The following LRPAP1 variants were observed in gnomAD, a reference collection of about 807,000 sequenced individuals.
LRPAP1 encodes alpha-2-macroglobulin receptor-associated protein.
Under a neutral mutation model 39.9 loss-of-function variants are expected in LRPAP1, and 41 were observed. The ratio of observed to expected loss-of-function variants is 1.03; its 90% confidence interval spans 0.80 to 1.33. The LOEUF is 1.33. Among genes scored for constraint, LRPAP1 ranks in the 40% most tolerant of loss-of-function variants. LRPAP1 has a pLI of 0.00. For missense variants in LRPAP1, 565 were observed against 482.3 expected, an observed-to-expected ratio of 1.17 and a Z score of -1.61; for synonymous variants, 263 against 212.7, an observed-to-expected ratio of 1.24 and a Z score of -2.06.
Position 3,532,252 on chromosome 4 carries a change from A to G in LRPAP1, c.161T>C (p.Phe54Ser). 2 of 1,552,344 alleles carry G rather than the reference A, an allele frequency of 1.3e-6. No individual in the cohort carries two copies. Among genetic ancestry groups the G allele is most frequent in the East Asian group, 2.4e-5 (1 of 41,136 alleles). ...PSPKRESGEE[F>S]RMEKLNQLWE... ...CAGCTGGTTCAACTTCTCCATGCGG[A>G]ACTCCTCTCCGGACTCGCGTTTCGG... Residue 54 changes from phenylalanine to serine, a missense_variant, in exon 1 of 8, where the codon TTC becomes TCC. Physicochemically the swap from Phe to Ser is radical, Grantham distance 155. Transcript: ENST00000650182.
At position 3,531,849 on chromosome 4, in the gene LRPAP1, T is replaced by C; in HGVS notation, c.204+360A>G. On this transcript the variant is annotated intron_variant, in intron 1 of 7. Coordinates refer to ENST00000650182, the MANE Select transcript of LRPAP1 (RefSeq NM_002337.4). ...TTTCTTGTTTCCCCACATAGGGAGA[T>C]AAGGTTGAGGGAACAGGCAAAGGCT... The C allele has an allele frequency of 9.4e-6, 3 of 320,658 alleles. No homozygotes were observed. The South Asian group carries it at 1.6e-4, about 17-fold the overall frequency. 19.9% of individuals were successfully genotyped at this position (320,658 alleles called of 1,614,324 possible).
At position 3,524,903 on chromosome 4, in the gene LRPAP1, G is replaced by A. The variant is rs549176533; in HGVS notation, c.349+4C>T. The A allele has an allele frequency of 7.4e-6, 12 of 1,614,024 alleles. No individual in the cohort carries two copies. Among genetic ancestry groups the A allele is most frequent in the Middle Eastern group, 1.6e-4 (1 of 6,062 alleles). ...GACCTGCATTAGGAAAGAAACAAACGTACCATTGAGGTTGCGTATGAGTCT... is the reference window on the plus strand; with the variant it reads ...GACCTGCATTAGGAAAGAAACAAACATACCATTGAGGTTGCGTATGAGTCT... On this transcript the variant is annotated splice_donor_region_variant and intron_variant, in intron 2 of 7. Coordinates refer to ENST00000650182, the MANE Select transcript of LRPAP1 (RefSeq NM_002337.4).
chr4:3,531,816 A>G (rs1317372890), intron 1 of LRPAP1, among the ~76,000 whole-genome samples: 1 of 152,142 alleles, frequency 6.6e-6, no homozygotes, highest in Non-Finnish European at 1.5e-5. Context: ...TCTACCCAAC[A>G]TTTTGTTTTT....
At chr4:3,519,972 C>T (rs936431075) in intron 3 of LRPAP1, 100 bp downstream of exon 3, 20 of 1,431,044 alleles carry the variant, frequency 1.4e-5, no homozygotes, top group African/African-American at 8.5e-5. Context: ...TCCCAAACCC[C>T]GGCTCCCATG....
Position 3,510,048 on chromosome 4 carries a change from C to A in LRPAP1, c.*2926G>T, listed in dbSNP as rs988717124. On this transcript the variant is annotated 3_prime_UTR_variant, in exon 8 of 8. Coordinates refer to ENST00000650182, the MANE Select transcript of LRPAP1 (RefSeq NM_002337.4). ...TATATGGAAACACCAAGGACATAAA[C>A]AGCCACAAGAATCTTTAAAAAGAAG... 12 of 152,176 alleles carry A rather than the reference C, an allele frequency of 7.9e-5. No homozygotes were observed. Among genetic ancestry groups the A allele is most frequent in the Admixed American group, 7.9e-4 (12 of 15,274 alleles). 9.4% of individuals were successfully genotyped at this position (152,176 alleles called of 1,614,324 possible).
intron 2 of LRPAP1, among the ~76,000 whole-genome samples, chr4:3,520,500 G>A (rs73197136): frequency 0.019 from 2,887 of 152,294 alleles, 43 homozygotes; most frequent in Middle Eastern, 0.078. Context: ...CCCCTGAGAC[G>A]CAGCTGTCGA....
intron 2 of LRPAP1, among the ~76,000 whole-genome samples, chr4:3,520,975 G>C (rs761185464): frequency 1.3e-5 from 2 of 152,232 alleles, no homozygotes; most frequent in Non-Finnish European, 2.9e-5. Context: ...GTGCCAACAG[G>C]ACAAGTCCTG....
At position 3,520,109 on chromosome 4, in the gene LRPAP1, C is replaced by A; in HGVS notation, c.434G>T (p.Gly145Val). ...SNSLSGTQED[G>V]LDDPRLEKLW... ...CTTTTCCAGCCTGGGGTCATCCAGC[C>A]CGTCTTCCTGGGTGCCACTGAGGGA... The change falls in exon 3 of 8, where the codon GGG becomes GTG. Residue 145 changes from glycine (G) to valine (V), a missense_variant. Gly to Val is a moderately radical substitution (Grantham distance 109). Coordinates refer to ENST00000650182, the MANE Select transcript of LRPAP1 (RefSeq NM_002337.4). The A allele has an allele frequency of 6.2e-7, 1 of 1,614,174 alleles. No homozygotes were observed. Among genetic ancestry groups the A allele is most frequent in the Non-Finnish European group, 8.5e-7 (1 of 1,180,032 alleles).
chr4:3,519,028 G>T (rs751981836), intron 3 of LRPAP1, 37 bp from the exon 4 acceptor site: 1 of 1,604,532 alleles, frequency 6.2e-7, no homozygotes, highest in Non-Finnish European at 8.5e-7. Flanking sequence ...AACCCGCCGC[G>T]GGCTCGTGTG....
At chr4:3,528,086 T>C (rs746896643) in intron 1 of LRPAP1, among the ~76,000 whole-genome samples, 3 of 152,202 alleles carry the variant, frequency 2.0e-5, no homozygotes, top group Non-Finnish European at 2.9e-5. Context: ...GCCCCAGCTC[T>C]GTGCAGAGGA....
At chr4:3,530,142 CTG>C (rs1730205429) in intron 1 of LRPAP1, among the ~76,000 whole-genome samples, 1 of 152,210 alleles carries the variant, frequency 6.6e-6, no homozygotes, top group East Asian at 1.9e-4. Flanking sequence ...TTTGAACTGA[CTG>C]TGGCTCCTCC....
chr4:3,521,425 C>A (rs1577208101), intron 2 of LRPAP1, among the ~76,000 whole-genome samples: 1 of 152,192 alleles, frequency 6.6e-6, no homozygotes, highest in South Asian at 2.1e-4. Context: ...CCCAGCGGGG[C>A]CTCCACATGC....
intron 1 of LRPAP1, among the ~76,000 whole-genome samples, chr4:3,531,261 C>CT (rs1188705632): frequency 5.3e-5 from 8 of 152,146 alleles, no homozygotes; most frequent in Non-Finnish European, 8.8e-5. Context: ...GTCTTATAAC[C>CT]GTCTGTCGTC....
chr4:3,528,903 C>T (rs534601506), intron 1 of LRPAP1, among the ~76,000 whole-genome samples: 29 of 152,318 alleles, frequency 1.9e-4, no homozygotes, highest in African/African-American at 5.5e-4. Flanking sequence ...CCAGGGGGGA[C>T]GCTTGAGAGC....
Position 3,510,630 on chromosome 4 carries a change from T to A in LRPAP1, c.*2344A>T, listed in dbSNP as rs1039961895. On this transcript the variant is annotated 3_prime_UTR_variant, in exon 8 of 8. Transcript: ENST00000650182. ...GAAACGTACACTCCTGAGTAGGGAC[T>A]GGATACACACGCGGCACACACCCAC... The A allele has an allele frequency of 4.6e-5, 7 of 152,268 alleles. No individual in the cohort carries two copies. Among genetic ancestry groups the A allele is most frequent in the African/African-American group, 1.4e-4 (6 of 41,470 alleles). 9.4% of individuals were successfully genotyped at this position (152,268 alleles called of 1,614,324 possible).
intron 3 of LRPAP1, among the ~76,000 whole-genome samples, chr4:3,519,614 C>T (rs6843676): frequency 0.019 from 2,890 of 152,304 alleles, 43 homozygotes; most frequent in Middle Eastern, 0.078. Context: ...CACCCTGCCA[C>T]AGCCCACCAG....
intron 6 of LRPAP1, 27 bp downstream of exon 6, chr4:3,516,089 T>A: frequency 6.4e-7 from 1 of 1,555,552 alleles, no homozygotes; most frequent in African/African-American, 1.4e-5. Context: ...AGGAGAGAGC[T>A]AGAAGGAGAG....
chr4:3,514,309 G>A (rs1341155188), intron 7 of LRPAP1, among the ~76,000 whole-genome samples: 3 of 152,244 alleles, frequency 2.0e-5, no homozygotes, highest in Non-Finnish European at 2.9e-5. Context: ...AGCTTCCAGG[G>A]TTTTCTGTGC....
At chr4:3,516,276 G>T in intron 5 of LRPAP1, 78 bp from the exon 6 acceptor site, 1 of 1,113,254 alleles carries the variant, frequency 9.0e-7, no homozygotes, top group Non-Finnish European at 1.3e-6. Context: ...ACCACGCTGA[G>T]TGTGCGTGGA....
Sources: allele counts gnomAD v4.1 joint callset (sites outside exome capture counted in the v4.1 genomes callset), GRCh38; gene constraint gnomAD v4.1.1; transcripts MANE v1.5; gene names NCBI Gene and HGNC (gene_info 2026-07-23, HGNC 2026-07-21).